SLC25A26: variants seen among roughly 807,000 people sequenced by gnomAD.
SLC25A26 encodes mitochondrial S-adenosylmethionine carrier protein.
Under a neutral mutation model 37.8 loss-of-function variants are expected in SLC25A26, and 36 were observed. The observed-to-expected ratio is 0.95, with a 90% CI of 0.73 to 1.26. The LOEUF (loss-of-function observed/expected upper bound fraction) is 1.26, where lower values mean the gene tolerates loss of function less well. Ranked by LOEUF, SLC25A26 falls within the 50% of genes most tolerant of loss-of-function variation. SLC25A26 has a pLI of 0.00. For missense variants in SLC25A26, 390 were observed against 331.1 expected (o/e 1.18, Z -1.38); for synonymous variants, 129 against 122.5 (o/e 1.05, Z -0.35).
intron 5 of SLC25A26, among the ~76,000 whole-genome samples, chr3:66,289,795 A>G (rs2074642834): frequency 6.6e-6 from 1 of 152,190 alleles, no homozygotes; most frequent in Non-Finnish European, 1.5e-5. Flanking sequence ...TGACTAGGCT[A>G]TGCAGGCTCT....
At chr3:66,268,676 C>T (rs1055378507) in intron 5 of SLC25A26, among the ~76,000 whole-genome samples, 1 of 152,134 alleles carries the variant, frequency 6.6e-6, no homozygotes, top group African/African-American at 2.4e-5. Context: ...CAGTGAAGGA[C>T]ACCTGATATG....
intron 5 of SLC25A26, among the ~76,000 whole-genome samples, chr3:66,346,042 A>G (rs1438744420): frequency 1.3e-5 from 2 of 152,126 alleles, no homozygotes; most frequent in African/African-American, 4.8e-5. Flanking sequence ...AAAATATACA[A>G]AAATTAGCTG....
intron 1 of SLC25A26, among the ~76,000 whole-genome samples, chr3:66,235,533 ATACTG>A (rs2072235704): frequency 6.6e-6 from 1 of 152,242 alleles, no homozygotes; most frequent in African/African-American, 2.4e-5. Context: ...AGCAAAGAGA[ATACTG>A]TATGAGTCCT....
intron 1 of SLC25A26, among the ~76,000 whole-genome samples, chr3:66,225,794 G>C (rs1367801150): frequency 6.6e-6 from 1 of 152,154 alleles, no homozygotes; most frequent in Non-Finnish European, 1.5e-5. Flanking sequence ...AAATTTCACA[G>C]ATCTCTAGGG....
At chr3:66,256,810 A>C (rs1186405393) in intron 3 of SLC25A26, among the ~76,000 whole-genome samples, 1 of 152,188 alleles carries the variant, frequency 6.6e-6, no homozygotes, top group Non-Finnish European at 1.5e-5. Context: ...TGGGAGGATC[A>C]CTTGGGCCCA....
chr3:66,318,660 AT>A (rs1362096805), intron 5 of SLC25A26, among the ~76,000 whole-genome samples: 1 of 146,280 alleles, frequency 6.8e-6, no homozygotes, highest in Non-Finnish European at 1.5e-5. Flanking sequence ...TAAAAAAAAA[AT>A]TTTTTTTTGT....
Position 66,262,175 on chromosome 3 carries a change from C to A in SLC25A26, c.405+20C>A. The A allele has an allele frequency of 1.6e-6, 2 of 1,253,626 alleles. No individual in the cohort carries two copies. The highest frequency in any genetic ancestry group is 1.4e-5 in the South Asian group (1 of 70,672). 77.7% of individuals were successfully genotyped at this position (1,253,626 alleles called of 1,614,324 possible). A position where few individuals can be genotyped will look rare whatever the true frequency, so the allele number is the denominator to read the frequency against. ...GAAGAGGTGAGATGGGTTTTTTAAGCTCTTCTTTTCTTTATTAAGATTTTA... is the reference window on the plus strand; with the variant it reads ...GAAGAGGTGAGATGGGTTTTTTAAGATCTTCTTTTCTTTATTAAGATTTTA... On this transcript the variant is annotated intron_variant, in intron 4 of 9. Coordinates refer to ENST00000354883, the MANE Select transcript of SLC25A26 (RefSeq NM_001379210.1).
rs116392630 is a variant in SLC25A26, at chr3:66,153,814, A to G, written c.-354+19830A>G. Among the ~76,000 whole-genome samples, 1,374 of 152,324 alleles carry G rather than the reference A, an allele frequency of 9.0e-3. 8 individuals are homozygous for G. Among genetic ancestry groups the G allele is most frequent in the Non-Finnish European group, 0.016 (1,076 of 68,036 alleles). ...AAATGAAAACCCCAGCTAGTTCACG[A>G]TCTTGTCTTCTTCCGAGGAAAGATT... On this transcript the variant is annotated intron_variant, in intron 1 of 10. Coordinates refer to the SLC25A26 transcript ENST00000676754.
chr3:66,368,282 G>A (rs2076869690), intron 7 of SLC25A26, among the ~76,000 whole-genome samples: 2 of 152,076 alleles, frequency 1.3e-5, no homozygotes, highest in Admixed American at 6.5e-5. Context: ...ATGCCTTTTA[G>A]GATTTTTATT....
At chr3:66,207,345 T>C (rs1420533543) in intron 1 of SLC25A26, among the ~76,000 whole-genome samples, 2 of 152,114 alleles carry the variant, frequency 1.3e-5, no homozygotes, top group African/African-American at 2.4e-5. Context: ...TTCCAACAAT[T>C]AGGGGTTTCA....
intron 1 of SLC25A26, among the ~76,000 whole-genome samples, chr3:66,174,372 C>A (rs1208712460): frequency 1.3e-5 from 2 of 152,222 alleles, no homozygotes; most frequent in African/African-American, 4.8e-5. Context: ...TAGAAGCTCA[C>A]TTACTCATTT....
At chr3:66,152,832 C>T (rs1227980855) in intron 1 of SLC25A26, among the ~76,000 whole-genome samples, 1 of 152,164 alleles carries the variant, frequency 6.6e-6, no homozygotes, top group Admixed American at 6.5e-5. Flanking sequence ...GGTGTTTGTA[C>T]ATTCCATGAA....
chr3:66,312,983 G>C (rs2075426350), intron 5 of SLC25A26, among the ~76,000 whole-genome samples: 1 of 151,992 alleles, frequency 6.6e-6, no homozygotes, highest in African/African-American at 2.4e-5. Context: ...TTGTTTGTTT[G>C]TTTTTCATGT....
chr3:66,343,971 A>G (rs1176347362), intron 5 of SLC25A26, among the ~76,000 whole-genome samples: 1 of 152,166 alleles, frequency 6.6e-6, no homozygotes, highest in Non-Finnish European at 1.5e-5. Context: ...GAACTTCGAC[A>G]TTCGGGGGGG....
At chr3:66,266,039 C>T (rs2073735059) in intron 5 of SLC25A26, among the ~76,000 whole-genome samples, 2 of 152,196 alleles carry the variant, frequency 1.3e-5, no homozygotes, top group Non-Finnish European at 2.9e-5. Flanking sequence ...GACATATGTC[C>T]TGCTAGTAAT....
intron 6 of SLC25A26, among the ~76,000 whole-genome samples, chr3:66,349,792 A>C (rs774160655): frequency 3.3e-5 from 5 of 152,160 alleles, no homozygotes; most frequent in Non-Finnish European, 5.9e-5. Context: ...GTGTTTTCCA[A>C]AGTGGCTGTA....
At position 66,339,641 on chromosome 3, in the gene SLC25A26, A is replaced by G. The variant is rs144697234; in HGVS notation, c.454-6723A>G. Among the ~76,000 whole-genome samples the G allele has an allele frequency of 2.1e-4, 32 of 152,122 alleles. No homozygotes were observed. In the East Asian group the frequency reaches 6.2e-3, roughly 29 times the overall value. On this transcript the variant is annotated intron_variant, in intron 5 of 9. Transcript: ENST00000354883. The stretch of plus-strand genomic sequence containing the variant: ...TTCCCTAATGATAGTGATGATAAAC[A>G]TCTTTTTATATGCTTGTTGTCTATT...
chr3:66,350,788 C>T (rs1195466229), intron 6 of SLC25A26, among the ~76,000 whole-genome samples: 1 of 152,056 alleles, frequency 6.6e-6, no homozygotes, highest in Non-Finnish European at 1.5e-5. Flanking sequence ...CTCCTTACTG[C>T]CTCTAAATAT....
intron 1 of SLC25A26, among the ~76,000 whole-genome samples, chr3:66,141,626 C>T (rs531746006): frequency 7.2e-5 from 11 of 152,146 alleles, no homozygotes; most frequent in South Asian, 4.1e-4. Context: ...GATTCTCCTA[C>T]GTCAGCCACC....
Sources: gnomAD v4.1 joint callset for allele counts (sites outside exome capture counted in the v4.1 genomes callset) on GRCh38, gnomAD v4.1.1 for gene constraint, MANE v1.5 for transcripts, NCBI Gene and HGNC (gene_info 2026-07-23, HGNC 2026-07-21) for gene names.